Variants in IQCH observed in about 807,000 individuals in gnomAD.
IQCH encodes IQ motif containing H.
IQCH carries 98 observed loss-of-function variants against 117.0 expected under a neutral mutation model. That is an observed-to-expected ratio of 0.84 (90% confidence interval 0.71 to 0.99). The LOEUF is 0.99. Among genes scored for constraint, IQCH ranks in the 50% least tolerant of loss-of-function variants. IQCH has a pLI of 0.00. For synonymous variants in IQCH, 412 were observed against 448.2 expected (o/e 0.92, Z 1.02); for missense variants, 1,102 against 1,243.8 (o/e 0.89, Z 1.72).
chr15:67,256,682 T>C (rs1233759154), intron 1 of IQCH, among the ~76,000 whole-genome samples: 1 of 152,180 alleles, frequency 6.6e-6, no homozygotes, highest in Non-Finnish European at 1.5e-5. Context: ...TAATGGAGAC[T>C]CTTACCTAGG....
At chr15:67,349,317 GA>G (rs1327564267) in intron 6 of IQCH, among the ~76,000 whole-genome samples, 1 of 152,078 alleles carries the variant, frequency 6.6e-6, no homozygotes, top group African/African-American at 2.4e-5. Context: ...TTAAGAAAAT[GA>G]AAAGAAAAGC....
intron 4 of IQCH, among the ~76,000 whole-genome samples, chr15:67,280,878 C>CT (rs1454943661): frequency 6.6e-6 from 1 of 151,680 alleles, no homozygotes; most frequent in African/African-American, 2.4e-5. Context: ...TGGAGTTTCA[C>CT]TCTTGTCACC....
chr15:67,371,076 A>G (rs1446548558), intron 8 of IQCH, among the ~76,000 whole-genome samples: 5 of 152,130 alleles, frequency 3.3e-5, no homozygotes, highest in African/African-American at 1.2e-4. Flanking sequence ...CATGTTGAAA[A>G]CAATCTATTC....
rs1478693101 is a variant in IQCH at position 67,364,204 on chromosome 15, A to G, written c.753+4319A>G. Among the ~76,000 whole-genome samples, 1 of 152,166 alleles carries G rather than the reference A, an allele frequency of 6.6e-6. No individual in the cohort carries two copies. Among genetic ancestry groups the G allele is most frequent in the Admixed American group, 6.5e-5 (1 of 15,272 alleles). On this transcript the variant is annotated intron_variant, in intron 8 of 20. Coordinates refer to ENST00000335894, the MANE Select transcript of IQCH (RefSeq NM_001031715.3). The surrounding 1 kb of genome is among the most constrained non-coding windows in gnomAD (Gnocchi z 4.1). Reference sequence around the variant, plus strand: ...GTATAAGCATTCCCTTTTCTCTGCAACCTCACCAGCATCTGTTATTTTTTG... The same window carrying G: ...GTATAAGCATTCCCTTTTCTCTGCAGCCTCACCAGCATCTGTTATTTTTTG...
rs1410856210 is a variant in IQCH, at chr15:67,493,760, T to A, written c.2862-498T>A. On this transcript the variant is annotated intron_variant, in intron 19 of 20. Transcript: ENST00000335894. This position sits in a 1 kb window ranked among gnomAD's most constrained non-coding sequence, Gnocchi z 5.1. ...TGCCATGTTAGTGTCCTGCACCCAT[T>A]AACTCGTCATTTACATTAGGTATAT... Among the ~76,000 whole-genome samples, 2 of 152,150 alleles carry A rather than the reference T, an allele frequency of 1.3e-5. No homozygotes were observed. Among genetic ancestry groups the A allele is most frequent in the African/African-American group, 4.8e-5 (2 of 41,420 alleles).
At chr15:67,296,609 A>G (rs1039174276) in intron 4 of IQCH, among the ~76,000 whole-genome samples, 2 of 152,174 alleles carry the variant, frequency 1.3e-5, no homozygotes, top group Non-Finnish European at 2.9e-5. Flanking sequence ...TCAGTGAAGC[A>G]TGGACCAAGC....
At chr15:67,304,373 A>C in intron 4 of IQCH, 1 of 1,533,548 alleles carries the variant, frequency 6.5e-7, no homozygotes, top group Non-Finnish European at 8.7e-7. Flanking sequence ...ATCTTGCAGG[A>C]TCCTGAAAAC....
chr15:67,440,829 C>T (rs1251348386), intron 16 of IQCH, among the ~76,000 whole-genome samples: 1 of 152,110 alleles, frequency 6.6e-6, no homozygotes, highest in East Asian at 1.9e-4. Flanking sequence ...CCCACTCTCA[C>T]CACTCCTCTT....
chr15:67,306,108 T>C (rs1051788986), intron 4 of IQCH, among the ~76,000 whole-genome samples: 2 of 152,090 alleles, frequency 1.3e-5, no homozygotes, highest in Non-Finnish European at 2.9e-5. Context: ...AAATAGTTAG[T>C]TGACCCTATC....
chr15:67,411,032 C>T lies in IQCH; in HGVS notation c.2098-5899C>T, dbSNP rs1164441273. 1.3e-5 allele frequency among the ~76,000 whole-genome samples: 2 copies of T among 152,114 alleles called. No individual in the cohort carries two copies. The highest frequency in any genetic ancestry group is 4.8e-5 in the African/African-American group (2 of 41,402). On this transcript the variant is annotated intron_variant, in intron 14 of 20. Coordinates refer to ENST00000335894, the MANE Select transcript of IQCH (RefSeq NM_001031715.3). This position sits in a 1 kb window ranked among gnomAD's most constrained non-coding sequence, Gnocchi z 4.4. ...ATAAATGTAAACCACCCCCACCCCACCCCTGCACATGCCTACCATATGGTG... is the reference window on the plus strand; with the variant it reads ...ATAAATGTAAACCACCCCCACCCCATCCCTGCACATGCCTACCATATGGTG...
intron 20 of IQCH, among the ~76,000 whole-genome samples, chr15:67,497,048 A>AAAAT (rs1382366315): frequency 1.1e-4 from 17 of 150,420 alleles, no homozygotes; most frequent in Admixed American, 2.6e-4. Flanking sequence ...AAAAAAAAAA[A>AAAAT]GTAAAAGTAT....
At chr15:67,336,305 C>T (rs993603601) in intron 4 of IQCH, among the ~76,000 whole-genome samples, 1 of 151,832 alleles carries the variant, frequency 6.6e-6, no homozygotes, top group Non-Finnish European at 1.5e-5. Context: ...TAAACTCCTA[C>T]GATAAAGGTA....
chr15:67,398,393 T>A (rs1450572240), intron 13 of IQCH, among the ~76,000 whole-genome samples: 1 of 152,176 alleles, frequency 6.6e-6, no homozygotes, highest in Admixed American at 6.5e-5. Flanking sequence ...AAAACCTTCC[T>A]AGGCTGTGTT....
At position 67,475,384 on chromosome 15, in the gene IQCH, A is replaced by G. The variant is rs971214335; in HGVS notation, c.2677-312A>G. Among the ~76,000 whole-genome samples the G allele has an allele frequency of 1.3e-5, 2 of 152,174 alleles. No homozygotes were observed. Among genetic ancestry groups the G allele is most frequent in the Admixed American group, 6.5e-5 (1 of 15,274 alleles). On this transcript the variant is annotated intron_variant, in intron 17 of 20. Coordinates refer to ENST00000335894, the MANE Select transcript of IQCH (RefSeq NM_001031715.3). The surrounding 1 kb of genome is among the most constrained non-coding windows in gnomAD (Gnocchi z 5.7). ...TCCCAGCTACTTGGGAGGCTGAAGC[A>G]GGAGGATCACTTAAGCCCAGGAGGC...
At chr15:67,344,495 T>A (rs1421489600) in intron 6 of IQCH, among the ~76,000 whole-genome samples, 4 of 152,226 alleles carry the variant, frequency 2.6e-5, no homozygotes, top group African/African-American at 9.6e-5. Flanking sequence ...GATTTATCAC[T>A]GGGAGTCAAA....
intron 17 of IQCH, among the ~76,000 whole-genome samples, chr15:67,469,960 G>T (rs1446610137): frequency 6.6e-6 from 1 of 152,212 alleles, no homozygotes; most frequent in East Asian, 1.9e-4. Context: ...AGTGGAGCTT[G>T]TGCTCATCCC....
rs1461228513 is a variant in IQCH, at chr15:67,447,514, C to A, written c.2506-17613C>A. On this transcript the variant is annotated intron_variant, in intron 16 of 20. Transcript: ENST00000335894. The surrounding 1 kb of genome is among the most constrained non-coding windows in gnomAD (Gnocchi z 5.3). ...CCTGGGACTCAACCCTCTACCATCA[C>A]CAAATTAGTCAGGATGTATTGGATT... 6.6e-6 allele frequency among the ~76,000 whole-genome samples: 1 copy of A among 152,122 alleles called. No homozygotes were observed. The highest frequency in any genetic ancestry group is 2.1e-4 in the South Asian group (1 of 4,830).
In IQCH at chr15:67,445,489, A is replaced by C. The variant is rs1403471805; in HGVS notation, c.2506-19638A>C. On this transcript the variant is annotated intron_variant, in intron 16 of 20. Coordinates refer to ENST00000335894, the MANE Select transcript of IQCH (RefSeq NM_001031715.3). This position sits in a 1 kb window ranked among gnomAD's most constrained non-coding sequence, Gnocchi z 4.3. ...GAGTCTTGCTCTGTCGCCAGGCTGG[A>C]TTGCAGTGGTGCAATCTCAGCTCAC... Among the ~76,000 whole-genome samples the C allele has an allele frequency of 1.3e-5, 2 of 152,034 alleles. No individual in the cohort carries two copies. Among genetic ancestry groups the C allele is most frequent in the Non-Finnish European group, 2.9e-5 (2 of 68,010 alleles).
At chr15:67,477,041 CTTCTTTTT>C (rs2083219018) in intron 18 of IQCH, among the ~76,000 whole-genome samples, 1 of 121,560 alleles carries the variant, frequency 8.2e-6, no homozygotes, top group African/African-American at 3.0e-5. Context: ...TTTTCTTTTT[CTTCTTTTT>C]TTTTTTTTTT....
Sources: gnomAD v4.1 joint callset for allele counts (sites outside exome capture counted in the v4.1 genomes callset) on GRCh38, gnomAD v4.1.1 for gene constraint, Gnocchi (gnomAD v3.1) non-coding constraint, MANE v1.5 for transcripts, NCBI Gene and HGNC (gene_info 2026-07-23, HGNC 2026-07-21) for gene names.